The following SLC35F3 variants were observed in gnomAD, a reference collection of about 807,000 sequenced individuals.
The protein encoded by SLC35F3 is solute carrier family 35 member F3.
A neutral mutation model predicts 49.9 loss-of-function variants in SLC35F3; 25 were observed. The ratio of observed to expected loss-of-function variants is 0.50; its 90% CI spans 0.37 to 0.70. SLC35F3 has a LOEUF of 0.70. Ranked by LOEUF, SLC35F3 falls within the 30% of genes least tolerant of loss-of-function variation. The pLI is 0.00. For synonymous variants in SLC35F3, 275 were observed against 265.4 expected, an observed-to-expected ratio of 1.04 and a Z score of -0.35; for missense variants, 525 against 639.8, an observed-to-expected ratio of 0.82 and a Z score of 1.94.
intron 4 of SLC35F3, 43 bp downstream of exon 4, chr1:234,309,363 T>G: frequency 6.3e-7 from 1 of 1,584,644 alleles, no homozygotes; most frequent in Non-Finnish European, 8.7e-7. Flanking sequence ...CTCAGTCATG[T>G]CAACCAAAAC....
intron 3 of SLC35F3, chr1:234,268,696 CTG>C (rs1668048395): frequency 6.6e-6 from 1 of 152,232 alleles, no homozygotes; most frequent in African/African-American, 2.4e-5. Context: ...CTACCCAAGA[CTG>C]AGACATCAAC....
intron 2 of SLC35F3, among the ~76,000 whole-genome samples, chr1:233,932,499 G>GA (rs1662259589): frequency 6.6e-6 from 1 of 152,172 alleles, no homozygotes; most frequent in African/African-American, 2.4e-5. Flanking sequence ...TATGGACTGG[G>GA]AAGAGGTGTG....
rs1249534952 is a variant in SLC35F3, at chr1:234,316,590, C to T, written c.829-12C>T. The T allele has an allele frequency of 1.9e-6, 3 of 1,596,836 alleles. No individual in the cohort carries two copies. Among genetic ancestry groups the T allele is most frequent in the Non-Finnish European group, 1.7e-6 (2 of 1,165,958 alleles). ...CGACTTCCCTGACCAGCATTTTCTT[C>T]CGTCTGTCCAGATTGTGGCCGCCAT... On this transcript the variant is annotated splice_polypyrimidine_tract_variant and intron_variant, in intron 4 of 7. Transcript: ENST00000366618.
intron 2 of SLC35F3, among the ~76,000 whole-genome samples, chr1:234,086,229 A>G (rs1200699012): frequency 1.3e-5 from 2 of 152,224 alleles, no homozygotes; most frequent in Non-Finnish European, 2.9e-5. Context: ...ATCCTGTATT[A>G]CACAAGAACT....
chr1:234,262,502 T>C (rs1482129913), intron 3 of SLC35F3, among the ~76,000 whole-genome samples: 3 of 152,226 alleles, frequency 2.0e-5, no homozygotes, highest in Non-Finnish European at 2.9e-5. Flanking sequence ...GTGGCTGCTT[T>C]AGGATCTGGC....
intron 3 of SLC35F3, among the ~76,000 whole-genome samples, chr1:234,271,263 T>A (rs1479189310): frequency 6.6e-6 from 1 of 152,184 alleles, no homozygotes; most frequent in East Asian, 1.9e-4. Flanking sequence ...TTCCTATTGT[T>A]GTCATGAGGG....
At chr1:233,938,119 A>C (rs1446490007) in intron 2 of SLC35F3, among the ~76,000 whole-genome samples, 1 of 152,100 alleles carries the variant, frequency 6.6e-6, no homozygotes, top group African/African-American at 2.4e-5. Context: ...CATCATAGGC[A>C]AAAAAATAAA....
intron 2 of SLC35F3, among the ~76,000 whole-genome samples, chr1:233,919,715 A>G (rs1266127472): frequency 6.6e-6 from 1 of 151,982 alleles, no homozygotes; most frequent in Non-Finnish European, 1.5e-5. Flanking sequence ...ATCTTTCCCA[A>G]CCAATTTTCA....
rs368655564 is a variant in SLC35F3 at position 234,231,769 on chromosome 1, C to T, written c.608+28C>T. On this transcript the variant is annotated intron_variant, in intron 3 of 7. Coordinates refer to ENST00000366618, the MANE Select transcript of SLC35F3 (RefSeq NM_173508.4). This position sits in a 1 kb window ranked among gnomAD's most constrained non-coding sequence, Gnocchi z 5.4. ...AGGCGCGTCCTGCATGAGGAGGCCTCCTGACCCCGGGCTGCTCCATCCAGC... is the reference window on the plus strand; with the variant it reads ...AGGCGCGTCCTGCATGAGGAGGCCTTCTGACCCCGGGCTGCTCCATCCAGC... 6.4e-7 allele frequency: 1 copy of T among 1,570,460 alleles called. No homozygotes were observed. Among genetic ancestry groups the T allele is most frequent in the Non-Finnish European group, 8.7e-7 (1 of 1,154,086 alleles).
chr1:234,108,732 T>C (rs1223051561), intron 2 of SLC35F3, among the ~76,000 whole-genome samples: 1 of 84,320 alleles, frequency 1.2e-5, no homozygotes, highest in African/African-American at 4.7e-5. Context: ...TATAAATATA[T>C]ATATCTTTTA....
In SLC35F3 at chr1:234,046,660, G is replaced by A. The variant is rs1227336453; in HGVS notation, c.283+140902G>A. Among the ~76,000 whole-genome samples, 1 of 152,098 alleles carries A rather than the reference G, an allele frequency of 6.6e-6. No individual in the cohort carries two copies. Among genetic ancestry groups the A allele is most frequent in the Non-Finnish European group, 1.5e-5 (1 of 67,998 alleles). ...TATATACATATTTCTTGTCTAAGAA[G>A]TACTTCTGTAGTCTGAGATTATAAA... On this transcript the variant is annotated intron_variant, in intron 2 of 7. Transcript: ENST00000366618. This position sits in a 1 kb window ranked among gnomAD's most constrained non-coding sequence, Gnocchi z 4.4.
intron 3 of SLC35F3, chr1:234,285,291 G>A: frequency 2.1e-6 from 1 of 468,212 alleles, no homozygotes; most frequent in East Asian, 6.5e-5. Context: ...CCAGAAGAAT[G>A]GGTCTCTTGT....
intron 2 of SLC35F3, among the ~76,000 whole-genome samples, chr1:233,914,851 T>C (rs1661942930): frequency 6.6e-6 from 1 of 152,230 alleles, no homozygotes; most frequent in Non-Finnish European, 1.5e-5. Flanking sequence ...TTCATTATCT[T>C]ACTGCACAGC....
At chr1:234,289,183 C>A (rs1457530988) in intron 3 of SLC35F3, among the ~76,000 whole-genome samples, 1 of 152,152 alleles carries the variant, frequency 6.6e-6, no homozygotes, top group Non-Finnish European at 1.5e-5. Flanking sequence ...CTGGGGCATA[C>A]AAAAAGCCTT....
intron 2 of SLC35F3, among the ~76,000 whole-genome samples, chr1:234,087,958 T>G (rs1318959112): frequency 1.3e-5 from 2 of 152,242 alleles, no homozygotes; most frequent in African/African-American, 4.8e-5. Context: ...TGACCCTTTC[T>G]AAAACATCCC....
intron 3 of SLC35F3, among the ~76,000 whole-genome samples, chr1:234,281,401 G>A (rs948616233): frequency 9.2e-5 from 14 of 152,156 alleles, no homozygotes; most frequent in African/African-American, 2.7e-4. Flanking sequence ...CCAGTCTGTG[G>A]TGCCTCCTTA....
chr1:234,135,973 G>A (rs1338140949), intron 2 of SLC35F3, among the ~76,000 whole-genome samples: 1 of 152,192 alleles, frequency 6.6e-6, no homozygotes, highest in Non-Finnish European at 1.5e-5. Context: ...CCAAGGGCCG[G>A]ATCAAGGGCA....
At chr1:234,262,820 G>A (rs909851088) in intron 3 of SLC35F3, among the ~76,000 whole-genome samples, 3 of 152,184 alleles carry the variant, frequency 2.0e-5, no homozygotes, top group South Asian at 4.1e-4. Flanking sequence ...GCCCCAAGGT[G>A]CGGGTTATTG....
At chr1:234,148,552 G>A (rs1666028549) in intron 2 of SLC35F3, among the ~76,000 whole-genome samples, 4 of 152,178 alleles carry the variant, frequency 2.6e-5, no homozygotes, top group Admixed American at 1.3e-4. Context: ...GGAGAGCCAC[G>A]TCATGCTGGG....
Sources: allele counts gnomAD v4.1 joint callset (sites outside exome capture counted in the v4.1 genomes callset), GRCh38; gene constraint gnomAD v4.1.1; non-coding constraint Gnocchi (gnomAD v3.1); transcripts MANE v1.5; gene names NCBI Gene and HGNC (gene_info 2026-07-23, HGNC 2026-07-21).